C12orf60: variants seen among roughly 807,000 people sequenced by gnomAD.
C12orf60 encodes the protein uncharacterized protein C12orf60.
For missense variants in C12orf60, 284 were observed against 283.2 expected (o/e 1.00, Z -0.02); for synonymous variants, 102 against 94.6 (o/e 1.08, Z -0.45).
At chr12:14,809,421 C>G (rs1950103134) in intron 1 of C12orf60, among the ~76,000 whole-genome samples, 1 of 151,822 alleles carries the variant, frequency 6.6e-6, no homozygotes, top group Non-Finnish European at 1.5e-5. Context: ...ACCATAAAAA[C>G]AAAATAGTAA....
intron 1 of C12orf60, among the ~76,000 whole-genome samples, chr12:14,821,446 C>A (rs1229555315): frequency 6.6e-6 from 1 of 152,114 alleles, no homozygotes. Context: ...AAGTTGGGGC[C>A]ACATCACCTC....
intron 1 of C12orf60, among the ~76,000 whole-genome samples, chr12:14,804,135 C>T (rs1485079185): frequency 6.6e-6 from 1 of 152,124 alleles, no homozygotes; most frequent in Non-Finnish European, 1.5e-5. Flanking sequence ...CATATGCAGT[C>T]GGTTTTAAGT....
At position 14,823,804 on chromosome 12, in the gene C12orf60, C is replaced by A; in HGVS notation, c.*131C>A. The A allele has an allele frequency of 4.2e-6, 3 of 717,884 alleles. No homozygotes were observed. Among genetic ancestry groups the A allele is most frequent in the Non-Finnish European group, 4.1e-6 (2 of 487,970 alleles). 44.5% of individuals were successfully genotyped at this position (717,884 alleles called of 1,614,324 possible). On this transcript the variant is annotated 3_prime_UTR_variant, in exon 2 of 2. Transcript: ENST00000330828. ...ACATAAGTACACAAAAGTCATCTGG[C>A]AAAACATTTACCTGTAGTTTTGCTT... is the stretch of plus-strand genomic sequence containing the variant.
At chr12:14,808,151 C>T (rs1033770865) in intron 1 of C12orf60, among the ~76,000 whole-genome samples, 2 of 149,472 alleles carry the variant, frequency 1.3e-5, no homozygotes, top group Admixed American at 6.8e-5. Context: ...GGCAACAGAG[C>T]GAGACTTTGT....
chr12:14,806,840 G>GT (rs1950059951), intron 1 of C12orf60: 4 of 785,910 alleles, frequency 5.1e-6, no homozygotes, highest in South Asian at 3.9e-5. Context: ...CACTCAACAA[G>GT]TTTTTTTAAA....
At chr12:14,821,932 G>A (rs904075784) in intron 1 of C12orf60, among the ~76,000 whole-genome samples, 7 of 127,322 alleles carry the variant, frequency 5.5e-5, no homozygotes, top group African/African-American at 1.7e-4. Flanking sequence ...TAAGGACAGC[G>A]TTTTCACTGC....
At chr12:14,819,315 T>C (rs1390693252) in intron 1 of C12orf60, among the ~76,000 whole-genome samples, 1 of 152,186 alleles carries the variant, frequency 6.6e-6, no homozygotes, top group Middle Eastern at 3.2e-3. Flanking sequence ...ATGATACTTA[T>C]ACAAATGATT....
At chr12:14,809,981 A>G (rs1372607948) in intron 1 of C12orf60, among the ~76,000 whole-genome samples, 1 of 152,260 alleles carries the variant, frequency 6.6e-6, no homozygotes, top group Non-Finnish European at 1.5e-5. Context: ...CCTCCTTTTA[A>G]GTAGTCTTGC....
intron 1 of C12orf60, chr12:14,805,786 T>A (rs982683899): frequency 1.9e-6 from 1 of 536,036 alleles, no homozygotes; most frequent in African/African-American, 1.9e-5. Flanking sequence ...GAGAAAATTT[T>A]TTTACCTCAC....
chr12:14,822,420 ACTTC>A (rs1215030855), intron 1 of C12orf60, among the ~76,000 whole-genome samples: 1 of 152,100 alleles, frequency 6.6e-6, no homozygotes, highest in Non-Finnish European at 1.5e-5. Flanking sequence ...TGTACTCCCT[ACTTC>A]CTTGGCCTTC....
At chr12:14,807,213 T>G (rs764999561) in intron 1 of C12orf60, among the ~76,000 whole-genome samples, 16 of 152,226 alleles carry the variant, frequency 1.1e-4, no homozygotes, top group Non-Finnish European at 2.1e-4. Context: ...TACAACCCTT[T>G]GATGGATAAA....
chr12:14,820,236 G>A (rs1353154337), intron 1 of C12orf60, among the ~76,000 whole-genome samples: 1 of 151,814 alleles, frequency 6.6e-6, no homozygotes, highest in Non-Finnish European at 1.5e-5. Context: ...TTGGTAATTT[G>A]TGTTCTCTCT....
At chr12:14,807,935 GCAGGTGAATAACTTGAGGC>G (rs764860645) in intron 1 of C12orf60, among the ~76,000 whole-genome samples, 1 of 152,182 alleles carries the variant, frequency 6.6e-6, no homozygotes, top group Admixed American at 6.5e-5. Flanking sequence ...GGAGGCCCAG[GCAGGTGAATAACTTGAGGC>G]CAGGAGTTCA....
intron 1 of C12orf60, among the ~76,000 whole-genome samples, chr12:14,821,844 A>G (rs1255879695): frequency 6.6e-6 from 1 of 151,802 alleles, no homozygotes; most frequent in East Asian, 1.9e-4. Flanking sequence ...GAAGCCTGCA[A>G]GGTCACTACC....
intron 1 of C12orf60, among the ~76,000 whole-genome samples, chr12:14,811,478 C>CA (rs1170158821): frequency 2.0e-5 from 3 of 152,026 alleles, no homozygotes; most frequent in Non-Finnish European, 4.4e-5. Context: ...TAAAAAATGA[C>CA]AAAAAACATC....
At chr12:14,821,701 T>G (rs71532849) in intron 1 of C12orf60, among the ~76,000 whole-genome samples, 4,151 of 152,172 alleles carry the variant, frequency 0.027, 72 homozygotes, top group Middle Eastern at 0.082. Context: ...GTTATAATTT[T>G]TGCTTCTTTC....
intron 1 of C12orf60, among the ~76,000 whole-genome samples, chr12:14,816,300 A>G (rs1461845502): frequency 6.6e-6 from 1 of 152,158 alleles, no homozygotes; most frequent in African/African-American, 2.4e-5. Flanking sequence ...TTTATTTAGA[A>G]TGCTTTATTT....
At chr12:14,821,284 C>T (rs1950301053) in intron 1 of C12orf60, among the ~76,000 whole-genome samples, 1 of 152,166 alleles carries the variant, frequency 6.6e-6, no homozygotes, top group African/African-American at 2.4e-5. Flanking sequence ...CAAATTACCT[C>T]ACACTTAGTG....
At chr12:14,813,007 T>A (rs1427818596) in intron 1 of C12orf60, among the ~76,000 whole-genome samples, 1 of 152,208 alleles carries the variant, frequency 6.6e-6, no homozygotes, top group East Asian at 1.9e-4. Context: ...AATGAAATGG[T>A]CTCAGAGATT....
Sources: gnomAD v4.1 joint callset for allele counts (sites outside exome capture counted in the v4.1 genomes callset) on GRCh38, gnomAD v4.1.1 for gene constraint, MANE v1.5 for transcripts, NCBI Gene and HGNC (gene_info 2026-07-23, HGNC 2026-07-21) for gene names.